The following PTPRE variants were observed in gnomAD, a reference collection of about 807,000 sequenced individuals.
PTPRE encodes the protein protein tyrosine phosphatase receptor type E, also known as receptor-type tyrosine-protein phosphatase epsilon.
Under a neutral mutation model 102.0 loss-of-function variants are expected in PTPRE, and 51 were observed. That is an observed-to-expected ratio of 0.50 (90% CI 0.40 to 0.63). PTPRE has a LOEUF of 0.63. Among genes scored for constraint, PTPRE ranks in the 30% least tolerant of loss-of-function variants. The pLI is 0.00. For synonymous variants in PTPRE, 345 were observed against 348.2 expected (o/e 0.99, Z 0.10); for missense variants, 752 against 915.1 (o/e 0.82, Z 2.30).
intron 6 of PTPRE, among the ~76,000 whole-genome samples, chr10:128,055,410 C>T (rs1848868681): frequency 6.6e-6 from 1 of 152,178 alleles, no homozygotes; most frequent in Non-Finnish European, 1.5e-5. Flanking sequence ...TCCTTGCACA[C>T]CTGACTTCCC....
At chr10:128,043,701 T>A (rs1489837421) in intron 3 of PTPRE, among the ~76,000 whole-genome samples, 1 of 152,174 alleles carries the variant, frequency 6.6e-6, no homozygotes, top group African/African-American at 2.4e-5. Flanking sequence ...GTGTGTGTGT[T>A]GCAGAATTGT....
chr10:128,040,942 A>T lies in PTPRE; in HGVS notation c.61A>T (p.Arg21Trp). 1 of 1,613,958 alleles carries T rather than the reference A, an allele frequency of 6.2e-7. No individual in the cohort carries two copies. The highest frequency in any genetic ancestry group is 1.1e-5 in the South Asian group (1 of 91,082). The change falls in exon 3 of 21, where the codon AGG becomes TGG. Residue 21 changes from arginine to tryptophan, a missense_variant. Physicochemically the swap from Arg to Trp is moderately radical, Grantham distance 101. Coordinates refer to ENST00000254667, the MANE Select transcript of PTPRE (RefSeq NM_006504.6). ...TAGCTTGCCGCTCGCCAGGGCTCTC[A>T]GGGGCAACGAGACCACTGCCGACAG... ...GFSLPLARALRGNETTADSNE... is the reference protein window; with the variant it reads ...GFSLPLARALWGNETTADSNE...
intron 15 of PTPRE, chr10:128,071,928 A>G: frequency 9.3e-6 from 5 of 535,746 alleles, no homozygotes; most frequent in Non-Finnish European, 1.7e-5. Context: ...GAAAATGATA[A>G]TTGGGTGGTT....
At chr10:127,977,043 C>T (rs921947403) in intron 1 of PTPRE, among the ~76,000 whole-genome samples, 16 of 152,192 alleles carry the variant, frequency 1.1e-4, no homozygotes, top group African/African-American at 3.9e-4. Context: ...GAGTAATGAT[C>T]CTGCTCTTTG....
intron 2 of PTPRE, among the ~76,000 whole-genome samples, chr10:128,025,158 CAAAAAAAAA>C (rs71472683): frequency 1.2e-4 from 8 of 65,788 alleles, no homozygotes; most frequent in Admixed American, 1.0e-3. Context: ...GATCCTGTCT[CAAAAAAAAA>C]AAAAAAAAAA....
chr10:128,037,859 T>A (rs1847344753), intron 2 of PTPRE, among the ~76,000 whole-genome samples: 2 of 152,134 alleles, frequency 1.3e-5, no homozygotes. Context: ...TGGTGCGATC[T>A]CGGCTCACTA....
At chr10:128,076,354 A>G (rs1455084295) in intron 17 of PTPRE, among the ~76,000 whole-genome samples, 1 of 152,144 alleles carries the variant, frequency 6.6e-6, no homozygotes, top group Non-Finnish European at 1.5e-5. Context: ...TTCCAGCCCC[A>G]CATATTGAAG....
Position 128,079,646 on chromosome 10 carries a change from A to C in PTPRE, c.1979A>C (p.Gln660Pro). 6.2e-7 allele frequency: 1 copy of C among 1,614,064 alleles called. No individual in the cohort carries two copies. Among genetic ancestry groups the C allele is most frequent in the Non-Finnish European group, 8.5e-7 (1 of 1,179,896 alleles). ...VKAEGLLDVF[Q>P]AVKSLRLQRP... ...GCCGAGGGACTTTTAGATGTATTTC[A>C]AGCTGTGAAGAGTTTACGACTTCAG... The change falls in exon 20 of 21, where the codon CAA becomes CCA. Residue 660 changes from glutamine (Q) to proline (P), a missense_variant. Physicochemically the swap from Gln to Pro is moderately conservative, Grantham distance 76. This residue lies in a region of PTPRE where 636 missense variants were observed against 824.4 expected (regional missense o/e 0.77). Coordinates refer to ENST00000254667, the MANE Select transcript of PTPRE (RefSeq NM_006504.6).
At chr10:128,010,865 A>G (rs1209056375) in intron 2 of PTPRE, among the ~76,000 whole-genome samples, 2 of 152,150 alleles carry the variant, frequency 1.3e-5, no homozygotes, top group Admixed American at 1.3e-4. Context: ...TGCTGGGATT[A>G]CAGGCGTGAG....
intron 18 of PTPRE, among the ~76,000 whole-genome samples, chr10:128,076,947 A>C (rs1438507100): frequency 2.0e-5 from 3 of 152,144 alleles, no homozygotes; most frequent in African/African-American, 7.2e-5. Flanking sequence ...ATCTCTCAGG[A>C]GAATTACATT....
intron 1 of PTPRE, among the ~76,000 whole-genome samples, chr10:127,939,686 G>A (rs1848081128): frequency 1.3e-5 from 2 of 152,204 alleles, no homozygotes; most frequent in East Asian, 1.9e-4. Context: ...AGGGCAAGTG[G>A]GCCCCAGCTG....
intron 2 of PTPRE, among the ~76,000 whole-genome samples, chr10:128,033,812 T>C (rs920394806): frequency 6.6e-6 from 1 of 152,194 alleles, no homozygotes; most frequent in African/African-American, 2.4e-5. Flanking sequence ...ACCCATCTAA[T>C]TTTTGTATTT....
chr10:127,959,409 A>C (rs1849639620), intron 1 of PTPRE, among the ~76,000 whole-genome samples: 2 of 152,238 alleles, frequency 1.3e-5, no homozygotes, highest in African/African-American at 4.8e-5. Flanking sequence ...CCTCAAGATG[A>C]TAGCATATGC....
At chr10:128,031,115 A>G (rs1001744063) in intron 2 of PTPRE, among the ~76,000 whole-genome samples, 1 of 152,260 alleles carries the variant, frequency 6.6e-6, no homozygotes, top group Non-Finnish European at 1.5e-5. Context: ...GAATGAATGC[A>G]TGGATGAATA....
chr10:127,969,075 C>G, intron 1 of PTPRE, among the ~76,000 whole-genome samples: 1 of 152,214 alleles, frequency 6.6e-6, no homozygotes, highest in Non-Finnish European at 1.5e-5. Context: ...GAGAATTCCC[C>G]TTTCTATTTC....
At chr10:127,965,390 C>G (rs751088076) in intron 1 of PTPRE, among the ~76,000 whole-genome samples, 28 of 151,914 alleles carry the variant, frequency 1.8e-4, no homozygotes, top group Non-Finnish European at 3.4e-4. Flanking sequence ...TGAAAAAAGC[C>G]TGGATCCCAT....
intron 1 of PTPRE, among the ~76,000 whole-genome samples, chr10:127,921,537 G>T (rs960725760): frequency 2.0e-5 from 3 of 152,190 alleles, no homozygotes; most frequent in Admixed American, 2.0e-4. Flanking sequence ...AGGGACGTGA[G>T]CTCCATCTTG....
intron 1 of PTPRE, among the ~76,000 whole-genome samples, chr10:127,916,484 T>G (rs1564794115): frequency 6.6e-6 from 1 of 152,192 alleles, no homozygotes; most frequent in African/African-American, 2.4e-5. Context: ...ACCTCTTTCC[T>G]TTATAAATTA....
intron 1 of PTPRE, chr10:127,965,049 C>T (rs1485357473): frequency 2.2e-6 from 1 of 456,182 alleles, no homozygotes; most frequent in Non-Finnish European, 4.4e-6. Flanking sequence ...TTCTCAGAAC[C>T]CTTTGAAGAT....
Sources: gnomAD v4.1 joint callset for allele counts (sites outside exome capture counted in the v4.1 genomes callset) on GRCh38, gnomAD v4.1.1 for gene constraint, gnomAD v4.1.1 regional missense constraint, MANE v1.5 for transcripts, NCBI Gene and HGNC (gene_info 2026-07-23, HGNC 2026-07-21) for gene names.